Variants in NRXN1 observed in about 807,000 individuals in gnomAD.
The protein encoded by NRXN1 is neurexin-1.
A neutral mutation model predicts 150.9 loss-of-function variants in NRXN1; 39 were observed. That is an observed-to-expected ratio of 0.26 (90% CI 0.20 to 0.34). The LOEUF (loss-of-function observed/expected upper bound fraction) is 0.34. Among genes scored for constraint, NRXN1 ranks in the 10% least tolerant of loss-of-function variants. NRXN1 has a pLI of 1.00. For synonymous variants in NRXN1, 924 were observed against 757.0 expected (o/e 1.22, Z -3.62); for missense variants, 1,815 against 1,949.9 (o/e 0.93, Z 1.30).
chr2:49,931,740 A>G (rs1459044154), intron 22 of NRXN1, among the ~76,000 whole-genome samples: 1 of 152,090 alleles, frequency 6.6e-6, no homozygotes, highest in African/African-American at 2.4e-5. Context: ...AGAAAAATGC[A>G]AGAAGAGTTA....
intron 2 of NRXN1, among the ~76,000 whole-genome samples, chr2:50,951,969 T>A (rs1413686402): frequency 7.6e-6 from 1 of 130,912 alleles, no homozygotes; most frequent in Non-Finnish European, 1.6e-5. Flanking sequence ...ATATATTTTT[T>A]TTTTTTTTTT....
At chr2:49,962,690 G>A (rs938988555) in intron 21 of NRXN1, among the ~76,000 whole-genome samples, 1 of 152,088 alleles carries the variant, frequency 6.6e-6, no homozygotes, top group East Asian at 1.9e-4. Context: ...GTTACAAGAA[G>A]CTACACATGT....
At chr2:50,488,873 C>T (rs1573213971) in intron 15 of NRXN1, among the ~76,000 whole-genome samples, 3 of 152,296 alleles carry the variant, frequency 2.0e-5, no homozygotes, top group Middle Eastern at 6.8e-3. Context: ...GAAGACAACG[C>T]ATCACCACTC....
At chr2:50,527,530 T>G (rs759207430) in intron 12 of NRXN1, among the ~76,000 whole-genome samples, 4 of 152,218 alleles carry the variant, frequency 2.6e-5, no homozygotes, top group Non-Finnish European at 4.4e-5. Context: ...ACTTTTTTAT[T>G]GGTCTGATTG....
intron 17 of NRXN1, among the ~76,000 whole-genome samples, chr2:50,239,675 T>C (rs1250060308): frequency 5.2e-5 from 2 of 38,822 alleles, no homozygotes; most frequent in African/African-American, 1.1e-4. Context: ...TATATATATA[T>C]ATATATATAT....
At chr2:50,004,239 A>G (rs1237933732) in intron 21 of NRXN1, among the ~76,000 whole-genome samples, 1 of 152,120 alleles carries the variant, frequency 6.6e-6, no homozygotes, top group African/African-American at 2.4e-5. Context: ...CATATTGTAG[A>G]GACACTCTTG....
At chr2:50,906,819 A>G (rs951197959) in intron 5 of NRXN1, among the ~76,000 whole-genome samples, 2 of 152,102 alleles carry the variant, frequency 1.3e-5, no homozygotes, top group African/African-American at 4.8e-5. Context: ...CTTAATCTCC[A>G]GAACCTGTGA....
chr2:50,329,615 GTGTATATATATATATATATATATATATA>G (rs1347613064), intron 17 of NRXN1, among the ~76,000 whole-genome samples: 38 of 15,800 alleles, frequency 2.4e-3, no homozygotes, highest in South Asian at 8.3e-3. Context: ...GTGTGTGTGT[GTGTATATATATATATATATATATATATA>G]TATATATATA....
At chr2:49,977,504 T>C (rs1679191304) in intron 21 of NRXN1, among the ~76,000 whole-genome samples, 1 of 152,180 alleles carries the variant, frequency 6.6e-6, no homozygotes, top group African/African-American at 2.4e-5. Context: ...TTCCGAAAGA[T>C]TAAATAAATA....
chr2:50,387,653 G>A (rs968604955), intron 17 of NRXN1, among the ~76,000 whole-genome samples: 2 of 152,084 alleles, frequency 1.3e-5, no homozygotes, highest in Admixed American at 6.6e-5. Context: ...AAAATTACAG[G>A]AACAGTATGA....
At chr2:50,650,410 C>T (rs1457723575) in intron 5 of NRXN1, among the ~76,000 whole-genome samples, 1 of 151,984 alleles carries the variant, frequency 6.6e-6, no homozygotes, top group Non-Finnish European at 1.5e-5. Flanking sequence ...TGCTCTCTTC[C>T]CCTGAATCCT....
At chr2:50,140,965 T>A (rs1285646950) in intron 18 of NRXN1, among the ~76,000 whole-genome samples, 1 of 152,074 alleles carries the variant, frequency 6.6e-6, no homozygotes, top group Non-Finnish European at 1.5e-5. Context: ...ACGTATAATT[T>A]TCTTCTTTCT....
At chr2:50,828,236 TCACCTCCCGGACGGGGCGGCTG>T (rs1670778491) in intron 5 of NRXN1, among the ~76,000 whole-genome samples, 1 of 148,036 alleles carries the variant, frequency 6.8e-6, no homozygotes, top group Non-Finnish European at 1.5e-5. Context: ...GAGGCACCCC[TCACCTCCCGGACGGGGCGGCTG>T]GCCGGGCGGG....
chr2:50,031,693 C>T (rs576772720), intron 21 of NRXN1, among the ~76,000 whole-genome samples: 1 of 152,126 alleles, frequency 6.6e-6, no homozygotes, highest in African/African-American at 2.4e-5. Flanking sequence ...TTGTCTCATC[C>T]AAACGCATCA....
chr2:49,929,157 C>T (rs1386894993), intron 22 of NRXN1, among the ~76,000 whole-genome samples: 4 of 152,088 alleles, frequency 2.6e-5, no homozygotes, highest in Admixed American at 1.3e-4. Context: ...ATGCTAGACA[C>T]GGAAAAACTC....
intron 5 of NRXN1, among the ~76,000 whole-genome samples, chr2:50,754,104 C>T (rs1180209487): frequency 6.6e-6 from 1 of 151,660 alleles, no homozygotes. Flanking sequence ...GATTCATTCA[C>T]TATCCATTTA....
intron 2 of NRXN1, chr2:50,964,050 A>C: frequency 2.5e-6 from 1 of 404,330 alleles, no homozygotes; most frequent in East Asian, 7.1e-5. Flanking sequence ...GCAGAAGAAT[A>C]TGAAATGAAG....
intron 5 of NRXN1, among the ~76,000 whole-genome samples, chr2:50,714,940 A>C (rs984896363): frequency 6.6e-6 from 1 of 152,132 alleles, no homozygotes; most frequent in African/African-American, 2.4e-5. Flanking sequence ...CAGCTGGAAA[A>C]AGTTAAAAGT....
At chr2:49,945,855 C>A (rs1205624351) in intron 21 of NRXN1, among the ~76,000 whole-genome samples, 1 of 152,116 alleles carries the variant, frequency 6.6e-6, no homozygotes, top group Non-Finnish European at 1.5e-5. Context: ...TATACATGTA[C>A]ATGTGTCTTT....
Sources: allele counts gnomAD v4.1 joint callset (sites outside exome capture counted in the v4.1 genomes callset), GRCh38; gene constraint gnomAD v4.1.1; transcripts MANE v1.5; gene names NCBI Gene and HGNC (gene_info 2026-07-23, HGNC 2026-07-21).